EDRF1: variants seen among roughly 807,000 people sequenced by gnomAD.
The protein encoded by EDRF1 is erythroid differentiation regulatory factor 1.
EDRF1 carries 69 observed loss-of-function variants against 148.7 expected under a neutral mutation model. The observed-to-expected ratio is 0.46, with a 90% confidence interval of 0.38 to 0.57. The LOEUF is 0.57. EDRF1 is among the 20% of genes least tolerant of loss of function. EDRF1 has a pLI of 0.00. For missense variants in EDRF1, 1,118 were observed against 1,478.7 expected (o/e 0.76, Z 4.00); for synonymous variants, 515 against 532.8 (o/e 0.97, Z 0.46).
intron 6 of EDRF1, among the ~76,000 whole-genome samples, chr10:125,727,430 G>A (rs965602285): frequency 6.6e-6 from 1 of 152,216 alleles, no homozygotes; most frequent in African/African-American, 2.4e-5. Flanking sequence ...CAGTTATAGA[G>A]GTTAAATAGG....
rs1373413503 is a variant in EDRF1, at chr10:125,728,867, A to T, written c.793-136A>T. On this transcript the variant is annotated intron_variant, in intron 6 of 24. Coordinates refer to ENST00000356792, the MANE Select transcript of EDRF1 (RefSeq NM_001202438.2). Reference sequence around the variant, plus strand: ...AAGCCACCCAATGAGGCGTGTTATTATTTGTATTGGCCTAATAATTCACAA... The same window carrying T: ...AAGCCACCCAATGAGGCGTGTTATTTTTTGTATTGGCCTAATAATTCACAA... The T allele has an allele frequency of 2.2e-5, 15 of 675,290 alleles. No homozygotes were observed. In the East Asian group the frequency reaches 3.9e-4, roughly 18 times the overall value. 41.8% of individuals were successfully genotyped at this position (675,290 alleles called of 1,614,324 possible).
At chr10:125,741,885 GT>G (rs984222733) in intron 17 of EDRF1, among the ~76,000 whole-genome samples, 1 of 151,752 alleles carries the variant, frequency 6.6e-6, no homozygotes, top group Non-Finnish European at 1.5e-5. Flanking sequence ...TAGAGACAGG[GT>G]TTCACCACGT....
At chr10:125,744,208 T>G (rs1030280292) in intron 18 of EDRF1, among the ~76,000 whole-genome samples, 3 of 151,086 alleles carry the variant, frequency 2.0e-5, no homozygotes, top group African/African-American at 7.3e-5. Flanking sequence ...TGGTTTTGGT[T>G]TTGGTTGTTT....
rs1848996694 is a variant in EDRF1 at position 125,741,126 on chromosome 10, CT to C, written c.2298del (p.Glu767LysfsTer36). ...GAATGCAAATAATAGAGCAGCACAC[CT>C]TGAAGAGTTTCATTACCAAACAAAA... ...AQNANNRAAHLEEFHYQTKED... is the reference protein window; with the variant it reads ...AQNANNRAAHXEEFHYQTKED... On this transcript the variant is annotated frameshift_variant, in exon 17 of 25. Transcript: ENST00000356792. LOFTEE classifies it high-confidence loss of function. 6.2e-7 allele frequency: 1 copy of C among 1,613,992 alleles called. No homozygotes were observed. The highest frequency in any genetic ancestry group is 1.3e-5 in the African/African-American group (1 of 74,888).
intron 24 of EDRF1, among the ~76,000 whole-genome samples, chr10:125,759,898 G>C (rs1850109127): frequency 6.6e-6 from 1 of 152,108 alleles, no homozygotes; most frequent in Admixed American, 6.5e-5. Flanking sequence ...TTTTAGTAGA[G>C]ACGGGGTTTC....
At chr10:125,724,609 A>G (rs1447283378) in intron 4 of EDRF1, among the ~76,000 whole-genome samples, 3 of 152,148 alleles carry the variant, frequency 2.0e-5, no homozygotes. Context: ...ATATATCCCC[A>G]TTGTTAAATG....
At chr10:125,740,055 A>T (rs752133570) in intron 15 of EDRF1, among the ~76,000 whole-genome samples, 10 of 152,218 alleles carry the variant, frequency 6.6e-5, no homozygotes, top group Middle Eastern at 3.2e-3. Context: ...GTAGGAAGTG[A>T]GACTGAGAAA....
intron 19 of EDRF1, among the ~76,000 whole-genome samples, chr10:125,746,416 CAT>C (rs1241024094): frequency 1.3e-5 from 2 of 151,990 alleles, no homozygotes; most frequent in African/African-American, 2.4e-5. Flanking sequence ...GAAAGCAAAT[CAT>C]AGAGATGAGA....
At chr10:125,762,469 G>A (rs749803794) in intron 24 of EDRF1, among the ~76,000 whole-genome samples, 1 of 151,072 alleles carries the variant, frequency 6.6e-6, no homozygotes, top group African/African-American at 2.4e-5. Context: ...GTGAGCCAGG[G>A]GTCTCCACCT....
chr10:125,737,410 T>C (rs962330451), intron 13 of EDRF1, among the ~76,000 whole-genome samples: 14 of 152,170 alleles, frequency 9.2e-5, no homozygotes, highest in African/African-American at 3.4e-4. Flanking sequence ...ACTCACCGTG[T>C]CCTCAGACAA....
intron 22 of EDRF1, among the ~76,000 whole-genome samples, chr10:125,750,283 C>A (rs1849575543): frequency 6.6e-6 from 1 of 152,296 alleles, no homozygotes; most frequent in Non-Finnish European, 1.5e-5. Context: ...AGAACAGACA[C>A]TACTGTAGAG....
Position 125,751,416 on chromosome 10 carries a change from G to GT in EDRF1, c.3278-1373dup, listed in dbSNP as rs1357538077. On this transcript the variant is annotated intron_variant, in intron 22 of 24. Transcript: ENST00000356792. ...TATTTTACCCAGTGTTTTTTTTTTT[G>GT]TTTTTTTTTTCTAGTACATATGATT... Among the ~76,000 whole-genome samples the GT allele has an allele frequency of 3.8e-3, 411 of 108,280 alleles. 2 individuals are homozygous for GT. The highest frequency in any genetic ancestry group is 0.012 in the African/African-American group (349 of 29,580). 71.0% of individuals were successfully genotyped at this position (108,280 alleles called of 152,430 possible).
At chr10:125,761,658 G>T (rs1375186408) in intron 24 of EDRF1, among the ~76,000 whole-genome samples, 3 of 152,228 alleles carry the variant, frequency 2.0e-5, no homozygotes, top group Non-Finnish European at 4.4e-5. Flanking sequence ...CAGTGAAACT[G>T]CTGATAAGAA....
At chr10:125,729,920 G>A (rs377330558) in intron 8 of EDRF1, among the ~76,000 whole-genome samples, 3 of 152,190 alleles carry the variant, frequency 2.0e-5, no homozygotes, top group South Asian at 2.1e-4. Flanking sequence ...AATGCTCCAC[G>A]TGTATTTGTT....
chr10:125,749,101 C>G, intron 21 of EDRF1: 2 of 365,732 alleles, frequency 5.5e-6, no homozygotes, highest in Non-Finnish European at 1.0e-5. Flanking sequence ...AAAAAATTAG[C>G]CAAGCAGTAG....
chr10:125,738,741 T>C (rs1241403830), intron 15 of EDRF1, among the ~76,000 whole-genome samples: 1 of 152,212 alleles, frequency 6.6e-6, no homozygotes, highest in Admixed American at 6.5e-5. Flanking sequence ...GCCACAGACT[T>C]AGCCAGACTG....
At chr10:125,740,777 A>G (rs1848978111) in intron 16 of EDRF1, 126 bp downstream of exon 16, 2 of 1,195,166 alleles carry the variant, frequency 1.7e-6, no homozygotes, top group South Asian at 2.5e-5. Context: ...GACTGTTTCC[A>G]ATCCTGTGTG....
At position 125,763,724 on chromosome 10, in the gene EDRF1, C is replaced by T. The variant is rs937802581; in HGVS notation, c.*252C>T. On this transcript the variant is annotated 3_prime_UTR_variant, in exon 25 of 25. Coordinates refer to ENST00000356792, the MANE Select transcript of EDRF1 (RefSeq NM_001202438.2). This position sits in a 1 kb window ranked among gnomAD's most constrained non-coding sequence, Gnocchi z 4.3. ...TGTCTTTGAGAAGTATGTAGTACCTCGGTATTAACAGACCTGCTGTGATGC... is the reference window on the plus strand; with the variant it reads ...TGTCTTTGAGAAGTATGTAGTACCTTGGTATTAACAGACCTGCTGTGATGC... 9.4e-6 allele frequency: 5 copies of T among 532,654 alleles called. No homozygotes were observed. The highest frequency in any genetic ancestry group is 3.8e-5 in the African/African-American group (2 of 52,460). The allele number at this position is 532,654 out of a possible 1,614,324, so 33.0% of individuals were successfully genotyped here.
At position 125,757,021 on chromosome 10, in the gene EDRF1, C is replaced by T. The variant is rs1469840751; in HGVS notation, c.3545+3176C>T. On this transcript the variant is annotated intron_variant, in intron 24 of 24. Transcript: ENST00000356792. Reference sequence around the variant, plus strand: ...AGAGATGGGGTCTTGCCATGTTGCCCAGGCTGGTCTCAAAACTCCTGGGTC... The same window carrying T: ...AGAGATGGGGTCTTGCCATGTTGCCTAGGCTGGTCTCAAAACTCCTGGGTC... 3 of 428,900 alleles carry T rather than the reference C, an allele frequency of 7.0e-6. No individual in the cohort carries two copies. In the East Asian group the frequency reaches 2.2e-4, roughly 31 times the overall value. The allele number at this position is 428,900 out of a possible 1,614,324, so 26.6% of individuals were successfully genotyped here.
Sources: allele counts gnomAD v4.1 joint callset (sites outside exome capture counted in the v4.1 genomes callset), GRCh38; gene constraint gnomAD v4.1.1; non-coding constraint Gnocchi (gnomAD v3.1); transcripts MANE v1.5; gene names NCBI Gene and HGNC (gene_info 2026-07-23, HGNC 2026-07-21).